PDE7B: variants seen among roughly 807,000 people sequenced by gnomAD.
PDE7B encodes phosphodiesterase 7B, also known as 3',5'-cyclic-AMP phosphodiesterase 7B.
A neutral mutation model predicts 56.2 loss-of-function variants in PDE7B; 29 were observed. The observed-to-expected ratio is 0.52, with a 90% CI of 0.38 to 0.70. PDE7B has a LOEUF of 0.70. PDE7B is among the 30% of genes least tolerant of loss of function. The probability of loss-of-function intolerance (pLI) is 0.00; values close to 1 mark genes in which losing one functional copy is unlikely to be tolerated. For missense variants in PDE7B, 490 were observed against 565.0 expected, an observed-to-expected ratio of 0.87 and a Z score of 1.35; for synonymous variants, 197 against 196.9, an observed-to-expected ratio of 1.00 and a Z score of 0.00.
At chr6:135,938,786 T>C (rs1035012045) in intron 1 of PDE7B, among the ~76,000 whole-genome samples, 16 of 152,166 alleles carry the variant, frequency 1.1e-4, no homozygotes, top group Admixed American at 2.0e-4. Context: ...GAGGAGATCT[T>C]AGCCATATAG....
chr6:136,014,680 C>G (rs917812204), intron 2 of PDE7B, among the ~76,000 whole-genome samples: 1 of 152,142 alleles, frequency 6.6e-6, no homozygotes, highest in Non-Finnish European at 1.5e-5. Context: ...GTTGCATAAC[C>G]AAGGCCGGGG....
intron 6 of PDE7B, 35 bp from the exon 7 acceptor site, chr6:136,154,040 G>A: frequency 6.8e-7 from 1 of 1,465,824 alleles, no homozygotes; most frequent in Non-Finnish European, 9.6e-7. Context: ...TCCTATTTGG[G>A]TTTTAGTTGA....
chr6:135,903,465 A>G (rs1034453781), intron 1 of PDE7B, among the ~76,000 whole-genome samples: 1 of 152,164 alleles, frequency 6.6e-6, no homozygotes, highest in African/African-American at 2.4e-5. Context: ...TCTGAGCTAG[A>G]ATGAGGGGCA....
At chr6:136,007,519 G>A (rs1177052276) in intron 2 of PDE7B, among the ~76,000 whole-genome samples, 1 of 151,984 alleles carries the variant, frequency 6.6e-6, no homozygotes, top group Non-Finnish European at 1.5e-5. Context: ...CCCTCAATAA[G>A]TTACTTAATC....
At chr6:135,934,807 T>TAAATATATA in intron 1 of PDE7B, among the ~76,000 whole-genome samples, 3 of 113,802 alleles carry the variant, frequency 2.6e-5, no homozygotes, top group African/African-American at 1.1e-4. Context: ...ATATATATAT[T>TAAATATATA]TATTATATAT....
At chr6:135,972,347 T>C (rs1297719226) in intron 2 of PDE7B, among the ~76,000 whole-genome samples, 1 of 151,994 alleles carries the variant, frequency 6.6e-6, no homozygotes, top group Non-Finnish European at 1.5e-5. Context: ...AGAGTCTGTT[T>C]TGGCTACTGT....
intron 2 of PDE7B, among the ~76,000 whole-genome samples, chr6:136,105,374 G>A (rs1777629965): frequency 2.0e-5 from 3 of 152,168 alleles, no homozygotes. Context: ...AAGAACATGA[G>A]GTTTCAAGTC....
intron 2 of PDE7B, among the ~76,000 whole-genome samples, chr6:136,100,081 T>C (rs1777536008): frequency 6.6e-6 from 1 of 152,196 alleles, no homozygotes; most frequent in Non-Finnish European, 1.5e-5. Flanking sequence ...ATCAGATGGT[T>C]GTAGATGTGT....
At chr6:135,904,601 T>C (rs376442248) in intron 1 of PDE7B, among the ~76,000 whole-genome samples, 25 of 152,330 alleles carry the variant, frequency 1.6e-4, no homozygotes, top group African/African-American at 5.5e-4. Flanking sequence ...AACCATCTCA[T>C]GGTAATAGTA....
chr6:136,129,250 T>G (rs990084794), intron 3 of PDE7B, among the ~76,000 whole-genome samples: 2 of 152,344 alleles, frequency 1.3e-5, no homozygotes, highest in Admixed American at 6.5e-5. Flanking sequence ...CTGCAGGCTC[T>G]GCCTAGCTTG....
intron 2 of PDE7B, among the ~76,000 whole-genome samples, chr6:136,057,405 C>G (rs1280787523): frequency 6.6e-6 from 1 of 152,184 alleles, no homozygotes; most frequent in Admixed American, 6.5e-5. Flanking sequence ...TAATCAAACT[C>G]TCACCCATTA....
chr6:136,108,139 A>AG (rs903449601), intron 2 of PDE7B, among the ~76,000 whole-genome samples: 30 of 150,202 alleles, frequency 2.0e-4, no homozygotes, highest in African/African-American at 5.6e-4. Context: ...AAAAAAAAAA[A>AG]AAAAGAAAGA....
At chr6:135,921,795 A>G (rs1322967580) in intron 1 of PDE7B, among the ~76,000 whole-genome samples, 1 of 152,124 alleles carries the variant, frequency 6.6e-6, no homozygotes, top group African/African-American at 2.4e-5. Flanking sequence ...CAGATCCTAA[A>G]TTAATACAAT....
At chr6:136,101,874 G>C (rs1777568545) in intron 2 of PDE7B, among the ~76,000 whole-genome samples, 1 of 152,192 alleles carries the variant, frequency 6.6e-6, no homozygotes, top group Admixed American at 6.5e-5. Flanking sequence ...GAAACACCAG[G>C]ATAAATGTTC....
chr6:136,052,127 A>C (rs9389368), intron 2 of PDE7B, among the ~76,000 whole-genome samples: 72,855 of 151,934 alleles, frequency 0.48, 17,719 homozygotes, highest in African/African-American at 0.55. Context: ...GCTTATATGA[A>C]GCTTACAATA....
rs183772552 is a variant in PDE7B at position 136,063,533 on chromosome 6, A to G, written c.83-45198A>G. Among the ~76,000 whole-genome samples, 3 of 152,314 alleles carry G rather than the reference A, an allele frequency of 2.0e-5. No homozygotes were observed. The East Asian group carries it at 5.8e-4, about 29-fold the overall frequency. ...CCTACCTGTGTTCCCTGCTTTCAGC[A>G]TGGCTTAAAGATGAACCCATCTTAA... On this transcript the variant is annotated intron_variant, in intron 2 of 12. Coordinates refer to ENST00000308191, the MANE Select transcript of PDE7B (RefSeq NM_018945.4).
intron 2 of PDE7B, among the ~76,000 whole-genome samples, chr6:135,984,228 C>T (rs1775342111): frequency 6.6e-6 from 1 of 152,132 alleles, no homozygotes. Flanking sequence ...GGAGTCTCTG[C>T]CTAAGACATC....
At chr6:136,084,898 G>GA (rs1226121117) in intron 2 of PDE7B, among the ~76,000 whole-genome samples, 1 of 151,764 alleles carries the variant, frequency 6.6e-6, no homozygotes, top group Non-Finnish European at 1.5e-5. Flanking sequence ...TCAAGGTGGT[G>GA]AAAAAAAATC....
chr6:135,939,137 C>T (rs1425314541), intron 1 of PDE7B, among the ~76,000 whole-genome samples: 2 of 152,186 alleles, frequency 1.3e-5, no homozygotes, highest in Non-Finnish European at 2.9e-5. Context: ...TAATATCTTT[C>T]AAGTCACTCC....
Sources: gnomAD v4.1 joint callset for allele counts (sites outside exome capture counted in the v4.1 genomes callset) on GRCh38, gnomAD v4.1.1 for gene constraint, MANE v1.5 for transcripts, NCBI Gene and HGNC (gene_info 2026-07-23, HGNC 2026-07-21) for gene names.